SORCS3: variants seen among roughly 807,000 people sequenced by gnomAD.
SORCS3 encodes sortilin related VPS10 domain containing receptor 3.
A neutral mutation model predicts 146.3 loss-of-function variants in SORCS3; 57 were observed. The ratio of observed to expected loss-of-function variants is 0.39; its 90% confidence interval spans 0.31 to 0.49. The LOEUF (loss-of-function observed/expected upper bound fraction) is 0.49, where lower values mean the gene tolerates loss of function less well. Ranked by LOEUF, SORCS3 falls within the 20% of genes least tolerant of loss-of-function variation. The pLI is 0.92. For synonymous variants in SORCS3, 653 were observed against 618.5 expected, an observed-to-expected ratio of 1.06 and a Z score of -0.83; for missense variants, 1,341 against 1,575.5, an observed-to-expected ratio of 0.85 and a Z score of 2.52.
chr10:104,821,438 C>T (rs1438567658), intron 1 of SORCS3, among the ~76,000 whole-genome samples: 1 of 152,120 alleles, frequency 6.6e-6, no homozygotes, highest in Non-Finnish European at 1.5e-5. Context: ...GTGCACATTC[C>T]TGGGGACACC....
At chr10:104,947,220 G>A (rs555756803) in intron 3 of SORCS3, among the ~76,000 whole-genome samples, 13 of 152,202 alleles carry the variant, frequency 8.5e-5, no homozygotes, top group African/African-American at 3.1e-4. Flanking sequence ...GCCAAGGAAG[G>A]GCTCTGTTGG....
chr10:104,940,238 A>ATTTT (rs1186082602), intron 3 of SORCS3, among the ~76,000 whole-genome samples: 153 of 31,286 alleles, frequency 4.9e-3, no homozygotes, highest in Non-Finnish European at 7.0e-3. Flanking sequence ...ATATATATAT[A>ATTTT]TTTTTTTTTT....
intron 4 of SORCS3, among the ~76,000 whole-genome samples, chr10:105,031,332 AACACACACACAC>A (rs371026666): frequency 0.077 from 8,711 of 113,528 alleles, 739 homozygotes; most frequent in African/African-American, 0.23. Context: ...CACACACACA[AACACACACACAC>A]ACACACACAC....
chr10:104,737,305 G>T (rs1466667030), intron 1 of SORCS3, among the ~76,000 whole-genome samples: 2 of 151,848 alleles, frequency 1.3e-5, no homozygotes, highest in Admixed American at 6.6e-5. Flanking sequence ...GTAATGGGAT[G>T]GCTGGGTCAA....
intron 3 of SORCS3, among the ~76,000 whole-genome samples, chr10:104,952,951 C>T (rs2019448659): frequency 6.6e-6 from 1 of 152,182 alleles, no homozygotes; most frequent in Admixed American, 6.5e-5. Flanking sequence ...ATTTCTCAAC[C>T]ATGTTTTGAG....
At chr10:104,767,505 G>A (rs1276285618) in intron 1 of SORCS3, among the ~76,000 whole-genome samples, 2 of 152,142 alleles carry the variant, frequency 1.3e-5, no homozygotes, top group Non-Finnish European at 2.9e-5. Context: ...GCAAGCTTGG[G>A]TAAGTTAGGT....
At chr10:105,038,180 G>A (rs1293319926) in intron 4 of SORCS3, among the ~76,000 whole-genome samples, 4 of 152,160 alleles carry the variant, frequency 2.6e-5, no homozygotes, top group Admixed American at 6.5e-5. Context: ...CTGGGAGAGG[G>A]TATCATGTGG....
At chr10:104,949,884 T>C (rs1429367137) in intron 3 of SORCS3, among the ~76,000 whole-genome samples, 1 of 152,232 alleles carries the variant, frequency 6.6e-6, no homozygotes, top group Admixed American at 6.5e-5. Context: ...AAGGGAAACT[T>C]TAGATTGCAC....
intron 20 of SORCS3, among the ~76,000 whole-genome samples, chr10:105,225,054 T>C (rs2056726249): frequency 6.6e-6 from 1 of 152,148 alleles, no homozygotes; most frequent in Admixed American, 6.6e-5. Context: ...TTCTTGATAG[T>C]GTCTTTTGTA....
chr10:104,893,917 C>A (rs914754920), intron 2 of SORCS3, among the ~76,000 whole-genome samples: 9 of 152,256 alleles, frequency 5.9e-5, no homozygotes, highest in African/African-American at 1.9e-4. Flanking sequence ...GCACCTGTTC[C>A]ATCCTCCCTT....
chr10:104,902,066 CAGAG>C (rs1459119019), intron 2 of SORCS3, among the ~76,000 whole-genome samples: 1 of 152,136 alleles, frequency 6.6e-6, no homozygotes, highest in Non-Finnish European at 1.5e-5. Flanking sequence ...TCTCATTTTA[CAGAG>C]AAAGAGAGTA....
At chr10:104,712,066 T>A (rs1024739337) in intron 1 of SORCS3, among the ~76,000 whole-genome samples, 2 of 152,182 alleles carry the variant, frequency 1.3e-5, no homozygotes, top group Non-Finnish European at 2.9e-5. Context: ...CCTTTCCTAC[T>A]CTCGTGATTC....
Position 105,152,901 on chromosome 10 carries a change from G to A in SORCS3, c.1483-4237G>A, listed in dbSNP as rs189084812. ...GGTGCTACATTTTCAAGAAATCCAC[G>A]TCTGCTTGACAAACCACTTAGGCTT... On this transcript the variant is annotated intron_variant, in intron 9 of 26. Transcript: ENST00000369701. 6.9e-4 allele frequency among the ~76,000 whole-genome samples: 105 copies of A among 152,052 alleles called. 2 individuals are homozygous for A. In the East Asian group the frequency reaches 0.019, roughly 28 times the overall value.
chr10:104,828,457 T>A (rs1004242305), intron 1 of SORCS3, among the ~76,000 whole-genome samples: 7 of 152,140 alleles, frequency 4.6e-5, no homozygotes, highest in African/African-American at 1.7e-4. Flanking sequence ...TGGGCATGGT[T>A]CATGGTGCCC....
intron 5 of SORCS3, among the ~76,000 whole-genome samples, chr10:105,059,591 T>G (rs770696077): frequency 6.6e-5 from 10 of 152,154 alleles, no homozygotes; most frequent in Non-Finnish European, 1.3e-4. Context: ...TTGTTCCAAT[T>G]TCTGACTCTC....
intron 5 of SORCS3, among the ~76,000 whole-genome samples, chr10:105,043,914 C>T (rs370794517): frequency 1.3e-5 from 2 of 152,164 alleles, no homozygotes. Context: ...TTGGTTGTAA[C>T]AAGTTTTGTA....
At chr10:105,073,702 G>A (rs1381308473) in intron 5 of SORCS3, among the ~76,000 whole-genome samples, 1 of 152,160 alleles carries the variant, frequency 6.6e-6, no homozygotes, top group Non-Finnish European at 1.5e-5. Flanking sequence ...ACTGGATGTA[G>A]AGGTCAGAGG....
At chr10:104,984,514 C>G (rs2054950880) in intron 4 of SORCS3, among the ~76,000 whole-genome samples, 1 of 152,088 alleles carries the variant, frequency 6.6e-6, no homozygotes, top group Admixed American at 6.6e-5. Flanking sequence ...TTCAGAAGCT[C>G]TAGGCATAAC....
chr10:104,940,204 T>TTATATATATATATA (rs71022748), intron 3 of SORCS3, among the ~76,000 whole-genome samples: 688 of 52,534 alleles, frequency 0.013, 17 homozygotes, highest in Middle Eastern at 0.029. Flanking sequence ...TCCTTTTCTT[T>TTATATATATATATA]TATATATATA....
Sources: gnomAD v4.1 joint callset for allele counts (sites outside exome capture counted in the v4.1 genomes callset) on GRCh38, gnomAD v4.1.1 for gene constraint, MANE v1.5 for transcripts, NCBI Gene and HGNC (gene_info 2026-07-23, HGNC 2026-07-21) for gene names.